The following CPED1 variants were observed in gnomAD, a reference collection of about 807,000 sequenced individuals.
CPED1 encodes cadherin-like and PC-esterase domain-containing protein 1.
Under a neutral mutation model 128.2 loss-of-function variants are expected in CPED1, and 114 were observed. The ratio of observed to expected loss-of-function variants is 0.89; its 90% CI spans 0.76 to 1.04. The LOEUF (loss-of-function observed/expected upper bound fraction) is 1.04. Among genes scored for constraint, CPED1 ranks in the 50% least tolerant of loss-of-function variants. The probability of loss-of-function intolerance (pLI) is 0.00; values close to 1 mark genes in which losing one functional copy is unlikely to be tolerated. For missense variants in CPED1, 1,211 were observed against 1,207.1 expected (o/e 1.00, Z -0.05); for synonymous variants, 462 against 426.7 (o/e 1.08, Z -1.02).
At chr7:121,200,999 C>G (rs116110553) in intron 16 of CPED1, among the ~76,000 whole-genome samples, 2 of 151,998 alleles carry the variant, frequency 1.3e-5, no homozygotes, top group Non-Finnish European at 2.9e-5. Flanking sequence ...CACAGAATCA[C>G]GTGTTGAAAG....
At chr7:121,039,416 C>T (rs1792988418) in intron 3 of CPED1, among the ~76,000 whole-genome samples, 1 of 151,554 alleles carries the variant, frequency 6.6e-6, no homozygotes, top group African/African-American at 2.4e-5. Context: ...GTATTTCCTG[C>T]CCCAACCCTT....
chr7:121,203,182 T>A (rs1219719593), intron 16 of CPED1, among the ~76,000 whole-genome samples: 1 of 152,118 alleles, frequency 6.6e-6, no homozygotes, highest in African/African-American at 2.4e-5. Context: ...CAAAGTCAGC[T>A]GGTTTAAACC....
intron 22 of CPED1, among the ~76,000 whole-genome samples, chr7:121,273,426 G>T (rs1792270780): frequency 6.6e-6 from 1 of 152,010 alleles, no homozygotes; most frequent in Non-Finnish European, 1.5e-5. Context: ...GGAGGTAGAG[G>T]CAGGAGAATC....
chr7:121,149,380 A>C (rs1796099551), intron 16 of CPED1, among the ~76,000 whole-genome samples: 1 of 152,206 alleles, frequency 6.6e-6, no homozygotes. Context: ...CTGTTTCAGC[A>C]CTTATATAAA....
At chr7:121,006,925 G>A (rs532620649) in intron 2 of CPED1, among the ~76,000 whole-genome samples, 56 of 152,268 alleles carry the variant, frequency 3.7e-4, no homozygotes, top group Non-Finnish European at 7.6e-4. Context: ...AAGGGAAAGA[G>A]TATAGGTTCC....
chr7:121,232,267 G>A (rs1257417122), intron 16 of CPED1, among the ~76,000 whole-genome samples: 1 of 152,112 alleles, frequency 6.6e-6, no homozygotes, highest in Non-Finnish European at 1.5e-5. Context: ...GGAAGGTGAG[G>A]AGATGGAGGG....
rs1792663894 is a variant in CPED1 at position 121,290,091 on chromosome 7, A to G, written c.2869-5349A>G. Among the ~76,000 whole-genome samples, 3 of 152,150 alleles carry G rather than the reference A, an allele frequency of 2.0e-5. No homozygotes were observed. In the South Asian group the frequency reaches 6.2e-4, roughly 32 times the overall value. On this transcript the variant is annotated intron_variant, in intron 22 of 22. Coordinates refer to ENST00000310396, the MANE Select transcript of CPED1 (RefSeq NM_024913.5). ...CTGTTCCTGTGTTAGTTTGCTGAGAATGATGGTTGCCAGCTTCATCCATGT... is the reference window on the plus strand; with the variant it reads ...CTGTTCCTGTGTTAGTTTGCTGAGAGTGATGGTTGCCAGCTTCATCCATGT...
Position 121,256,130 on chromosome 7 carries a change from A to AAACAAACAAACAAAAAAAAAAAC in CPED1, c.2311-10095_2311-10094insCAAACAAACAAAAAAAAAAACAA, listed in dbSNP as rs1562852742. 4.5e-3 allele frequency among the ~76,000 whole-genome samples: 160 copies of AAACAAACAAACAAAAAAAAAAAC among 35,250 alleles called. 1 individual carries two copies. Among genetic ancestry groups the AAACAAACAAACAAAAAAAAAAAC allele is most frequent in the African/African-American group, 6.9e-3 (155 of 22,540 alleles). The allele number at this position is 35,250 out of a possible 152,430, so 23.1% of individuals were successfully genotyped here. A position where few individuals can be genotyped will look rare whatever the true frequency, so the allele number is the denominator to read the frequency against. On this transcript the variant is annotated intron_variant, in intron 18 of 22. Coordinates refer to ENST00000310396, the MANE Select transcript of CPED1 (RefSeq NM_024913.5). ...CCTAAGCAAAAAAAAAAAACAAAACAAAAAAAAAAAACAAAGCTTATGCCA... is the reference window on the plus strand; with the variant it reads ...CCTAAGCAAAAAAAAAAAACAAAACAAACAAACAAACAAAAAAAAAAACAAAAAAAAAAACAAAGCTTATGCCA...
At chr7:121,067,692 G>A (rs1283559153) in intron 5 of CPED1, among the ~76,000 whole-genome samples, 2 of 152,180 alleles carry the variant, frequency 1.3e-5, no homozygotes, top group African/African-American at 4.8e-5. Flanking sequence ...TCGCCACGCT[G>A]ACTTCCACAA....
intron 22 of CPED1, among the ~76,000 whole-genome samples, chr7:121,292,947 T>C (rs896294002): frequency 3.3e-5 from 5 of 152,086 alleles, no homozygotes. Flanking sequence ...CTGTATGAGG[T>C]GTCTGTCGAC....
At chr7:121,112,237 A>G (rs889666034) in intron 7 of CPED1, among the ~76,000 whole-genome samples, 9 of 152,160 alleles carry the variant, frequency 5.9e-5, no homozygotes, top group African/African-American at 2.2e-4. Context: ...TACCTCCAGA[A>G]CCAGTGAATA....
intron 16 of CPED1, among the ~76,000 whole-genome samples, chr7:121,169,064 CAAAT>C (rs1257014543): frequency 1.3e-5 from 2 of 152,014 alleles, no homozygotes; most frequent in Non-Finnish European, 2.9e-5. Context: ...TCTAATGAAA[CAAAT>C]GCAATATTAC....
At chr7:121,294,503 C>T (rs1792779671) in intron 22 of CPED1, among the ~76,000 whole-genome samples, 1 of 152,040 alleles carries the variant, frequency 6.6e-6, no homozygotes, top group African/African-American at 2.4e-5. Flanking sequence ...GACTTACAAA[C>T]AGATGCCATG....
At chr7:121,028,655 C>T (rs1228637292) in intron 3 of CPED1, among the ~76,000 whole-genome samples, 3 of 152,044 alleles carry the variant, frequency 2.0e-5, no homozygotes, top group Non-Finnish European at 4.4e-5. Context: ...AATTATAGGC[C>T]CCAAACAGAA....
rs1233065587 is a variant in CPED1 at position 121,296,306 on chromosome 7, C to T, written c.*654C>T. On this transcript the variant is annotated 3_prime_UTR_variant, in exon 23 of 23. Coordinates refer to ENST00000310396, the MANE Select transcript of CPED1 (RefSeq NM_024913.5). ...AAACACCAATATATTCAACTTTACA[C>T]TTCTTGTGTTTTTCATAAACATTCC... The T allele has an allele frequency of 6.6e-6, 1 of 152,160 alleles. No individual in the cohort carries two copies. The highest frequency in any genetic ancestry group is 2.1e-4 in the South Asian group (1 of 4,830). 9.4% of individuals were successfully genotyped at this position (152,160 alleles called of 1,614,324 possible). A position where few individuals can be genotyped will look rare whatever the true frequency, so the allele number is the denominator to read the frequency against.
intron 15 of CPED1, 117 bp from the exon 16 acceptor site, chr7:121,141,856 G>T: frequency 1.4e-6 from 1 of 730,666 alleles, no homozygotes; most frequent in Non-Finnish European, 2.2e-6. Context: ...AAATTGTACA[G>T]ACCTTTCCTG....
chr7:121,116,612 C>T (rs1220671898), intron 7 of CPED1, among the ~76,000 whole-genome samples: 2 of 152,090 alleles, frequency 1.3e-5, no homozygotes, highest in East Asian at 1.9e-4. Context: ...AGTAAAAATA[C>T]AGATGATTCA....
intron 2 of CPED1, among the ~76,000 whole-genome samples, chr7:120,990,158 A>G (rs1038366665): frequency 3.3e-5 from 5 of 152,214 alleles, no homozygotes; most frequent in Admixed American, 2.0e-4. Context: ...GATTCTTTCT[A>G]AAATATCAGT....
chr7:121,030,454 T>C (rs573165985), intron 3 of CPED1, among the ~76,000 whole-genome samples: 1 of 152,202 alleles, frequency 6.6e-6, no homozygotes, highest in African/African-American at 2.4e-5. Flanking sequence ...CATGAAGAAA[T>C]CTCAAGCTGT....
Sources: gnomAD v4.1 joint callset for allele counts (sites outside exome capture counted in the v4.1 genomes callset) on GRCh38, gnomAD v4.1.1 for gene constraint, MANE v1.5 for transcripts, NCBI Gene and HGNC (gene_info 2026-07-23, HGNC 2026-07-21) for gene names.